Variants in RARA observed in about 807,000 individuals in gnomAD.
The protein encoded by RARA is PML-DDX5-RARA fusion.
In RARA, 5 loss-of-function variants were observed where a neutral mutation model predicts 42.8. That is an observed-to-expected ratio of 0.12 (90% CI 0.06 to 0.25). The LOEUF is 0.25. RARA is among the 10% of genes least tolerant of loss of function. RARA has a pLI of 1.00. For synonymous variants in RARA, 256 were observed against 259.5 expected (o/e 0.99, Z 0.13); for missense variants, 402 against 628.7 (o/e 0.64, Z 3.86).
In RARA at chr17:40,348,388, T is replaced by C; in HGVS notation, c.251T>C (p.Ile84Thr). 9 of 1,613,714 alleles carry C rather than the reference T, an allele frequency of 5.6e-6. No homozygotes were observed. Among genetic ancestry groups the C allele is most frequent in the Non-Finnish European group, 7.6e-6 (9 of 1,179,784 alleles). Reference sequence around the variant, plus strand: ...CCCTCGCCACCCCCTCTACCCCGCATCTACAAGCCTTGCTTTGTCTGTCAG... The same window carrying C: ...CCCTCGCCACCCCCTCTACCCCGCACCTACAAGCCTTGCTTTGTCTGTCAG... ...SPPSPPPLPR[I>T]YKPCFVCQDK... Residue 84 changes from isoleucine (I) to threonine (T), a missense_variant, in exon 3 of 9, where the codon ATC becomes ACC. Physicochemically the swap from Ile to Thr is moderately conservative, Grantham distance 89 (BLOSUM62 -1). Transcript: ENST00000254066.
intron 2 of RARA, chr17:40,342,229 G>A (rs2034082449): frequency 6.6e-6 from 7 of 1,053,672 alleles, no homozygotes; most frequent in Admixed American, 5.5e-5. Flanking sequence ...GGAACCGCGC[G>A]GGATCCCCAC....
In RARA at chr17:40,352,302, G is replaced by T. The variant is rs199787390; in HGVS notation, c.631-29G>T. 5.7e-4 allele frequency: 889 copies of T among 1,569,708 alleles called. 1 individual carries two copies. The highest frequency in any genetic ancestry group is 6.6e-4 in the Non-Finnish European group (758 of 1,154,108). ...GGCTGAGAAGGGGTGCCATGGAGAAGAAGGCCCTCACTCTCCCTCCTCCCC... is the reference window on the plus strand; with the variant it reads ...GGCTGAGAAGGGGTGCCATGGAGAATAAGGCCCTCACTCTCCCTCCTCCCC... On this transcript the variant is annotated intron_variant, in intron 5 of 8. Coordinates refer to ENST00000254066, the MANE Select transcript of RARA (RefSeq NM_000964.4). This position sits in a 1 kb window ranked among gnomAD's most constrained non-coding sequence, Gnocchi z 4.9.
At chr17:40,318,592 A>C (rs892263121) in intron 1 of RARA, 5 of 151,752 alleles carry the variant, frequency 3.3e-5, no homozygotes, top group Non-Finnish European at 5.9e-5. Context: ...GGGCTTCCCA[A>C]CTCGCTGCCG....
In RARA at chr17:40,357,308, C is replaced by T. The variant is rs564963890; in HGVS notation, c.*1082C>T. 4.2e-6 allele frequency: 1 copy of T among 236,256 alleles called. No homozygotes were observed. The highest frequency in any genetic ancestry group is 6.0e-5 in the East Asian group (1 of 16,542). 14.6% of individuals were successfully genotyped at this position (236,256 alleles called of 1,614,324 possible). A position where few individuals can be genotyped will look rare whatever the true frequency, so the allele number is the denominator to read the frequency against. On this transcript the variant is annotated 3_prime_UTR_variant, in exon 9 of 9. Coordinates refer to ENST00000254066, the MANE Select transcript of RARA (RefSeq NM_000964.4). The stretch of plus-strand genomic sequence containing the variant: ...CAGCCACCAGCACCCCCATAGGGCC[C>T]CCAGACACCACACACATGCGCGTGC...
chr17:40,325,833 G>C (rs1598544062), intron 1 of RARA, among the ~76,000 whole-genome samples: 1 of 152,138 alleles, frequency 6.6e-6, no homozygotes, highest in Admixed American at 6.5e-5. Flanking sequence ...CGTTGTTTTG[G>C]GGGAGACTGG....
chr17:40,343,800 C>T (rs541361779), intron 2 of RARA, among the ~76,000 whole-genome samples: 6 of 152,300 alleles, frequency 3.9e-5, no homozygotes, highest in African/African-American at 1.4e-4. Flanking sequence ...AGCCTGGTCA[C>T]TTTCTCTCCT....
Position 40,329,830 on chromosome 17 carries a change from T to C in RARA, c.-362-1027T>C, listed in dbSNP as rs181448940. ...GTCTTTCATATATGTATTTTTCATA[T>C]ATAAATACATGCATATGTATTTATA... On this transcript the variant is annotated intron_variant, in intron 1 of 8. Coordinates refer to ENST00000254066, the MANE Select transcript of RARA (RefSeq NM_000964.4). Among the ~76,000 whole-genome samples the C allele has an allele frequency of 3.2e-4, 48 of 152,380 alleles. 1 individual carries two copies. Among genetic ancestry groups the C allele is most frequent in the Admixed American group, 7.8e-4 (12 of 15,306 alleles).
chr17:40,313,150 G>T (rs1370847692), intron 1 of RARA, among the ~76,000 whole-genome samples: 1 of 152,176 alleles, frequency 6.6e-6, no homozygotes, highest in Non-Finnish European at 1.5e-5. Context: ...AGGCTCACAG[G>T]CTGGTGAGCT....
rs908442123 is a variant in RARA, at chr17:40,345,859, G to T, written c.179-2457G>T. Among the ~76,000 whole-genome samples, 2 of 152,174 alleles carry T rather than the reference G, an allele frequency of 1.3e-5. No individual in the cohort carries two copies. Among genetic ancestry groups the T allele is most frequent in the African/African-American group, 2.4e-5 (1 of 41,440 alleles). On this transcript the variant is annotated intron_variant, in intron 2 of 8. Transcript: ENST00000254066. This position sits in a 1 kb window ranked among gnomAD's most constrained non-coding sequence, Gnocchi z 4.8. The stretch of plus-strand genomic sequence containing the variant: ...GGATTCCGGAGTTCCCCACACCTCC[G>T]GCCTTGGTCCTTGTACCTCACCTCC...
At chr17:40,332,147 G>A (rs1288368491) in intron 2 of RARA, among the ~76,000 whole-genome samples, 2 of 152,188 alleles carry the variant, frequency 1.3e-5, no homozygotes, top group Non-Finnish European at 2.9e-5. Context: ...GTGGGAGGTG[G>A]CGGCAGCTCT....
At chr17:40,336,610 G>A (rs370400264) in intron 2 of RARA, among the ~76,000 whole-genome samples, 103 of 150,798 alleles carry the variant, frequency 6.8e-4, no homozygotes, top group African/African-American at 2.2e-3. Context: ...GGATGGTCTC[G>A]ATCTCCTGAC....
intron 2 of RARA, among the ~76,000 whole-genome samples, chr17:40,346,521 C>A (rs773067699): frequency 6.6e-6 from 1 of 151,786 alleles, no homozygotes; most frequent in Non-Finnish European, 1.5e-5. Context: ...CTCCCCTCCC[C>A]CCACCAGTCT....
In RARA at chr17:40,355,895, A is replaced by G. The variant is rs950760641; in HGVS notation, c.1172-114A>G. The G allele has an allele frequency of 8.0e-5, 76 of 955,142 alleles. No individual in the cohort carries two copies. In the African/African-American group the frequency reaches 1.2e-3, roughly 15 times the overall value. The allele number at this position is 955,142 out of a possible 1,614,324, so 59.2% of individuals were successfully genotyped here. ...GCTCGTGTCAAAGAACTGAATCCCA[A>G]GAAAGATGCTAATATCAGCAGTATT... is the stretch of plus-strand genomic sequence containing the variant. On this transcript the variant is annotated intron_variant, in intron 8 of 8. Coordinates refer to ENST00000254066, the MANE Select transcript of RARA (RefSeq NM_000964.4). The surrounding 1 kb of genome is among the most constrained non-coding windows in gnomAD (Gnocchi z 4.1).
At position 40,354,663 on chromosome 17, in the gene RARA, C is replaced by T. The variant is rs1234205509; in HGVS notation, c.1012+157C>T. On this transcript the variant is annotated intron_variant, in intron 7 of 8. Coordinates refer to ENST00000254066, the MANE Select transcript of RARA (RefSeq NM_000964.4). The surrounding 1 kb of genome is among the most constrained non-coding windows in gnomAD (Gnocchi z 4.5). ...GCAAGGGGGCCATGTGGGGCCTGGA[C>T]TCCTGTTCCCGATTTCTGGGCAACA... Among the ~76,000 whole-genome samples, 2 of 152,206 alleles carry T rather than the reference C, an allele frequency of 1.3e-5. No homozygotes were observed. The highest frequency in any genetic ancestry group is 3.9e-4 in the East Asian group (2 of 5,192).
At position 40,352,103 on chromosome 17, in the gene RARA, T is replaced by G. The variant is rs758322778; in HGVS notation, c.630+33T>G. 1.1e-5 allele frequency: 17 copies of G among 1,523,704 alleles called. No homozygotes were observed. Among genetic ancestry groups the G allele is most frequent in the Non-Finnish European group, 1.4e-5 (16 of 1,141,312 alleles). 94.4% of individuals were successfully genotyped at this position (1,523,704 alleles called of 1,614,324 possible). A position where few individuals can be genotyped will look rare whatever the true frequency, so the allele number is the denominator to read the frequency against. ...TTTCCCCCGGCCTGCAGGGTGGGAT[T>G]TGCCCAGGGCCACAGGGCCAGGATG... On this transcript the variant is annotated intron_variant, in intron 5 of 8. Transcript: ENST00000254066. The surrounding 1 kb of genome is among the most constrained non-coding windows in gnomAD (Gnocchi z 4.9).
chr17:40,325,933 G>GAA (rs1347743785), intron 1 of RARA, among the ~76,000 whole-genome samples: 1 of 152,184 alleles, frequency 6.6e-6, no homozygotes, highest in Non-Finnish European at 1.5e-5. Flanking sequence ...GTATAAGGGA[G>GAA]GAAATGGTCT....
At position 40,351,248 on chromosome 17, in the gene RARA, C is replaced by G. The variant is rs1351124148; in HGVS notation, c.470-662C>G. On this transcript the variant is annotated intron_variant, in intron 4 of 8. Transcript: ENST00000254066. This position sits in a 1 kb window ranked among gnomAD's most constrained non-coding sequence, Gnocchi z 4.1. ...CTACCCCCTCCCTGAGCCCCTCCCCCACCCTCCCTTCCTCCCGCGTCAGCA... is the reference window on the plus strand; with the variant it reads ...CTACCCCCTCCCTGAGCCCCTCCCCGACCCTCCCTTCCTCCCGCGTCAGCA... The G allele has an allele frequency of 1.0e-5, 2 of 193,196 alleles. No individual in the cohort carries two copies. Among genetic ancestry groups the G allele is most frequent in the East Asian group, 1.7e-4 (1 of 5,844 alleles). The allele number at this position is 193,196 out of a possible 1,614,324, so 12.0% of individuals were successfully genotyped here. A position where few individuals can be genotyped will look rare whatever the true frequency, so the allele number is the denominator to read the frequency against.
At chr17:40,331,439 G>C in intron 2 of RARA, 43 bp downstream of exon 2, 23 of 1,584,486 alleles carry the variant, frequency 1.5e-5, no homozygotes, top group Non-Finnish European at 2.0e-5. Flanking sequence ...GGACTGTGGA[G>C]GGTGGCAGGC....
At chr17:40,340,951 A>G (rs894881386) in intron 2 of RARA, 1 of 400,162 alleles carries the variant, frequency 2.5e-6, no homozygotes, top group Admixed American at 4.4e-5. Flanking sequence ...TTTATTTGTA[A>G]AACATCTCTT....
Sources: gnomAD v4.1 joint callset for allele counts (sites outside exome capture counted in the v4.1 genomes callset) on GRCh38, gnomAD v4.1.1 for gene constraint, Gnocchi (gnomAD v3.1) non-coding constraint, MANE v1.5 for transcripts, NCBI Gene and HGNC (gene_info 2026-07-23, HGNC 2026-07-21) for gene names.